Variants in CISD3 observed in about 807,000 individuals in gnomAD.
The protein encoded by CISD3 is CDGSH iron sulfur domain 3, also known as CDGSH iron-sulfur domain-containing protein 3, mitochondrial.
A neutral mutation model predicts 14.1 loss-of-function variants in CISD3; 11 were observed. That is an observed-to-expected ratio of 0.78 (90% CI 0.49 to 1.29). The LOEUF (loss-of-function observed/expected upper bound fraction) is 1.29. CISD3 is among the 50% of genes most tolerant of loss of function. CISD3 has a pLI of 0.00. For missense variants in CISD3, 156 were observed against 171.6 expected, an observed-to-expected ratio of 0.91 and a Z score of 0.51; for synonymous variants, 53 against 69.2, an observed-to-expected ratio of 0.77 and a Z score of 1.16.
chr17:38,731,781 TCCCAGGCC>T, intron 3 of CISD3: 14 of 279,544 alleles, frequency 5.0e-5, no homozygotes, highest in South Asian at 3.2e-4. Flanking sequence ...GGCCACAGAT[TCCCAGGCC>T]TTGAACCCCA....
Position 38,735,213 on chromosome 17 carries a change from G to A in CISD3, c.*1758G>A. 7.1e-7 allele frequency: 1 copy of A among 1,408,604 alleles called. No individual in the cohort carries two copies. The highest frequency in any genetic ancestry group is 2.6e-5 in the East Asian group (1 of 38,234). The allele number at this position is 1,408,604 out of a possible 1,614,324, so 87.3% of individuals were successfully genotyped here. ...AGGCTTGGCTGGAAGAAGGGAGAGGGTCCCTGGCCTCAAGTTAAGGGGGGC... is the reference window on the plus strand; with the variant it reads ...AGGCTTGGCTGGAAGAAGGGAGAGGATCCCTGGCCTCAAGTTAAGGGGGGC... On this transcript the variant is annotated 3_prime_UTR_variant, in exon 4 of 4. Coordinates refer to ENST00000613478, the MANE Select transcript of CISD3 (RefSeq NM_001136498.2).
chr17:38,733,767 G>C lies in CISD3; in HGVS notation c.*312G>C, dbSNP rs1191861010. 1 of 331,600 alleles carries C rather than the reference G, an allele frequency of 3.0e-6. No individual in the cohort carries two copies. Among genetic ancestry groups the C allele is most frequent in the Non-Finnish European group, 5.5e-6 (1 of 181,516 alleles). 20.5% of individuals were successfully genotyped at this position (331,600 alleles called of 1,614,324 possible). A position where few individuals can be genotyped will look rare whatever the true frequency, so the allele number is the denominator to read the frequency against. On this transcript the variant is annotated 3_prime_UTR_variant, in exon 4 of 4. Transcript: ENST00000613478. The stretch of plus-strand genomic sequence containing the variant: ...CCAGATTTTAACCTCTCTGTGGGCT[G>C]GGGGCACCTGACCAGCCACAGGAGA...
In CISD3 at chr17:38,730,807, C is replaced by A. The variant is rs1567935235; in HGVS notation, c.84+12C>A. ...TCTCCTCCTGGCTGGTGAGTCCCCC[C>A]ATCCTCCCCTCCTCCTCGCACAAGA... On this transcript the variant is annotated intron_variant, in intron 2 of 3. Transcript: ENST00000613478. 6.4e-7 allele frequency: 1 copy of A among 1,551,364 alleles called. No individual in the cohort carries two copies. The highest frequency in any genetic ancestry group is 1.7e-4 in the Middle Eastern group (1 of 5,990).
rs1310575120 is a variant in CISD3, at chr17:38,735,255, C to T, written c.*1800C>T. 3 of 1,458,328 alleles carry T rather than the reference C, an allele frequency of 2.1e-6. No individual in the cohort carries two copies. The highest frequency in any genetic ancestry group is 2.4e-5 in the Admixed American group (1 of 41,124). 90.3% of individuals were successfully genotyped at this position (1,458,328 alleles called of 1,614,324 possible). On this transcript the variant is annotated 3_prime_UTR_variant, in exon 4 of 4. Coordinates refer to ENST00000613478, the MANE Select transcript of CISD3 (RefSeq NM_001136498.2). ...AAGGGGGGCACGGGAGCGCCGTTGA[C>T]AGTCATCTTGCGCCCCCTGCTGGTG...
intron 1 of CISD3, 144 bp downstream of exon 1, chr17:38,730,550 T>C: frequency 1.1e-6 from 1 of 892,880 alleles, no homozygotes; most frequent in Non-Finnish European, 1.7e-6. Flanking sequence ...CTCACAGGCT[T>C]TTCCCGAGCG....
Position 38,731,349 on chromosome 17 carries a change from G to T in CISD3, c.114G>T (p.Arg38Ser). Residue 38 changes from arginine (R) to serine (S), a missense_variant, in exon 3 of 4, where the codon AGG becomes AGT. Transcript: ENST00000613478. ...LAQWFPRTPA[R>S]SVVALKTPIK... ...AGTGGTTCCCTAGAACCCCAGCCAG[G>T]TCCGTGGTGGCCCTGAAGACCCCCA... 6.4e-7 allele frequency: 1 copy of T among 1,551,530 alleles called. No individual in the cohort carries two copies. Among genetic ancestry groups the T allele is most frequent in the Non-Finnish European group, 8.7e-7 (1 of 1,146,966 alleles).
Position 38,734,972 on chromosome 17 carries a change from T to A in CISD3, c.*1517T>A. 1 of 318,602 alleles carries A rather than the reference T, an allele frequency of 3.1e-6. No homozygotes were observed. Among genetic ancestry groups the A allele is most frequent in the Non-Finnish European group, 5.6e-6 (1 of 177,700 alleles). The allele number at this position is 318,602 out of a possible 1,614,324, so 19.7% of individuals were successfully genotyped here. A position where few individuals can be genotyped will look rare whatever the true frequency, so the allele number is the denominator to read the frequency against. Reference sequence around the variant, plus strand: ...CCCCCCCCAAAAAAAATGAACACCATTTTCCACACATACACACACACATAA... The same window carrying A: ...CCCCCCCCAAAAAAAATGAACACCAATTTCCACACATACACACACACATAA... On this transcript the variant is annotated 3_prime_UTR_variant, in exon 4 of 4. Transcript: ENST00000613478.
intron 3 of CISD3, among the ~76,000 whole-genome samples, chr17:38,732,807 T>C (rs917902626): frequency 1.3e-5 from 2 of 151,930 alleles, no homozygotes; most frequent in Non-Finnish European, 2.9e-5. Context: ...TAACCTTCAC[T>C]CCCTGTCACG....
rs779314891 is a variant in CISD3 at position 38,735,578 on chromosome 17, T to A, written c.*2123T>A. ...CCGCTTGCAGGCTGGCTGGACACGG[T>A]ACTTGAGGGGGAGAGGCCCGTTCTG... On this transcript the variant is annotated 3_prime_UTR_variant, in exon 4 of 4. Coordinates refer to ENST00000613478, the MANE Select transcript of CISD3 (RefSeq NM_001136498.2). 2 of 1,575,824 alleles carry A rather than the reference T, an allele frequency of 1.3e-6. No homozygotes were observed. Among genetic ancestry groups the A allele is most frequent in the South Asian group, 2.3e-5 (2 of 86,570 alleles).
intron 2 of CISD3, 156 bp from the exon 3 acceptor site, chr17:38,731,164 C>A (rs963159343): frequency 7.6e-5 from 77 of 1,018,034 alleles, no homozygotes; most frequent in Non-Finnish European, 1.1e-4. Flanking sequence ...CCTATGGTGT[C>A]CTGGGGAACG....
At chr17:38,731,157 A>G (rs1374509752) in intron 2 of CISD3, 163 bp from the exon 3 acceptor site, 7 of 947,358 alleles carry the variant, frequency 7.4e-6, no homozygotes, top group South Asian at 1.7e-5. Flanking sequence ...TCACGGTCCT[A>G]TGGTGTCCTG....
At chr17:38,730,844 G>A in intron 2 of CISD3, 49 bp downstream of exon 2, 1 of 1,522,666 alleles carries the variant, frequency 6.6e-7, no homozygotes. Context: ...CCCCAGGCAC[G>A]GAGATCTCAA....
At chr17:38,733,089 T>A (rs1320846264) in intron 3 of CISD3, among the ~76,000 whole-genome samples, 187 bp from the exon 4 acceptor site, 1 of 152,094 alleles carries the variant, frequency 6.6e-6, no homozygotes, top group Non-Finnish European at 1.5e-5. Context: ...TTTTATTTCC[T>A]CATACAACTC....
rs1197795318 is a variant in CISD3, at chr17:38,731,355, G to A, written c.120G>A (p.Val40=). Residue 40 remains valine, a synonymous_variant, in exon 3 of 4, where the codon GTG becomes GTA. Transcript: ENST00000613478. Reference sequence around the variant, plus strand: ...TCCCTAGAACCCCAGCCAGGTCCGTGGTGGCCCTGAAGACCCCCATCAAGG... The same window carrying A: ...TCCCTAGAACCCCAGCCAGGTCCGTAGTGGCCCTGAAGACCCCCATCAAGG... The part of the protein sequence containing the change: ...QWFPRTPARS[V]VALKTPIKVE... 2 of 1,551,622 alleles carry A rather than the reference G, an allele frequency of 1.3e-6. No homozygotes were observed. Among genetic ancestry groups the A allele is most frequent in the Admixed American group, 3.9e-5 (2 of 51,010 alleles).
rs779314891 is a variant in CISD3, at chr17:38,735,578, T to C, written c.*2123T>C. 6.3e-7 allele frequency: 1 copy of C among 1,575,824 alleles called. No individual in the cohort carries two copies. Among genetic ancestry groups the C allele is most frequent in the Non-Finnish European group, 8.6e-7 (1 of 1,158,692 alleles). On this transcript the variant is annotated 3_prime_UTR_variant, in exon 4 of 4. Transcript: ENST00000613478. ...CCGCTTGCAGGCTGGCTGGACACGG[T>C]ACTTGAGGGGGAGAGGCCCGTTCTG... is the stretch of plus-strand genomic sequence containing the variant.
In CISD3 at chr17:38,735,078, T is replaced by C. The variant is rs1352350958; in HGVS notation, c.*1623T>C. 3 of 416,002 alleles carry C rather than the reference T, an allele frequency of 7.2e-6. No homozygotes were observed. The highest frequency in any genetic ancestry group is 4.4e-5 in the Admixed American group (1 of 22,952). The allele number at this position is 416,002 out of a possible 1,614,324, so 25.8% of individuals were successfully genotyped here. A position where few individuals can be genotyped will look rare whatever the true frequency, so the allele number is the denominator to read the frequency against. ...GTATATTTGGTTTTTCCTATGTACA[T>C]ATATATATATATTTATTTATAAAAC... On this transcript the variant is annotated 3_prime_UTR_variant, in exon 4 of 4. Transcript: ENST00000613478.
At position 38,730,426 on chromosome 17, in the gene CISD3, AC is replaced by A; in HGVS notation, c.48+22del. On this transcript the variant is annotated intron_variant, in intron 1 of 3. Transcript: ENST00000613478. The stretch of plus-strand genomic sequence containing the variant: ...GCCCGGGTGAGCACCCCCGCCCTGC[AC>A]CAGCCCCCGTCCCGAACCCCAGCCG... 1 of 1,293,554 alleles carries A rather than the reference AC, an allele frequency of 7.7e-7. No homozygotes were observed. Among genetic ancestry groups the A allele is most frequent in the Non-Finnish European group, 9.8e-7 (1 of 1,018,426 alleles). 80.1% of individuals were successfully genotyped at this position (1,293,554 alleles called of 1,614,324 possible).
At chr17:38,730,507 C>T in intron 1 of CISD3, 101 bp downstream of exon 1, 1 of 1,039,452 alleles carries the variant, frequency 9.6e-7, no homozygotes. Context: ...CCGGAGCTCC[C>T]GGCCCGTCCC....
At chr17:38,730,602 C>A in intron 1 of CISD3, 158 bp from the exon 2 acceptor site, 1 of 864,104 alleles carries the variant, frequency 1.2e-6, no homozygotes. Context: ...CCTTCTCTTG[C>A]GACCTTTTTC....
Sources: gnomAD v4.1 joint callset for allele counts (sites outside exome capture counted in the v4.1 genomes callset) on GRCh38, gnomAD v4.1.1 for gene constraint, MANE v1.5 for transcripts, NCBI Gene and HGNC (gene_info 2026-07-23, HGNC 2026-07-21) for gene names.